Variants in PCDHGA4 observed in about 807,000 individuals in gnomAD.
PCDHGA4 encodes the protein protocadherin gamma subfamily A, 4, also known as protocadherin gamma-A4.
A neutral mutation model predicts 54.6 loss-of-function variants in PCDHGA4; 38 were observed. That is an observed-to-expected ratio of 0.70 (90% CI 0.54 to 0.91). PCDHGA4 has a LOEUF of 0.91. Ranked by LOEUF, PCDHGA4 falls within the 40% of genes least tolerant of loss-of-function variation. The probability of loss-of-function intolerance (pLI) is 0.00; values close to 1 mark genes in which losing one functional copy is unlikely to be tolerated. For missense variants in PCDHGA4, 1,298 were observed against 1,220.9 expected (o/e 1.06, Z -0.94); for synonymous variants, 511 against 512.9 (o/e 1.00, Z 0.05).
intron 1 of PCDHGA4, chr5:141,371,702 GACC>G (rs768822916): frequency 1.1e-5 from 18 of 1,613,922 alleles, no homozygotes; most frequent in Non-Finnish European, 1.7e-6. Context: ...CCTCCAGCAA[GACC>G]ATCACTCTGC....
intron 1 of PCDHGA4, chr5:141,384,681 G>A (rs1373910602): frequency 6.2e-7 from 1 of 1,614,180 alleles, no homozygotes; most frequent in South Asian, 1.1e-5. Context: ...TGGTGGCGGT[G>A]GACAAAGATT....
chr5:141,411,921 T>C (rs1426892834), intron 1 of PCDHGA4: 1 of 152,234 alleles, frequency 6.6e-6, no homozygotes, highest in Non-Finnish European at 1.5e-5. Context: ...TCAGTCTCTG[T>C]CTCTGATTCT....
intron 1 of PCDHGA4, chr5:141,422,936 C>T: frequency 6.2e-7 from 1 of 1,614,260 alleles, no homozygotes; most frequent in Non-Finnish European, 8.5e-7. Flanking sequence ...GCCCTCCCCA[C>T]AGACGGCTCC....
At chr5:141,409,821 C>T in intron 1 of PCDHGA4, 1 of 1,610,940 alleles carries the variant, frequency 6.2e-7, no homozygotes, top group Non-Finnish European at 8.5e-7. Flanking sequence ...CACGGCTCGC[C>T]CACGCTCAGC....
intron 1 of PCDHGA4, chr5:141,361,423 C>T (rs760185392): frequency 2.5e-6 from 4 of 1,613,938 alleles, no homozygotes; most frequent in South Asian, 2.2e-5. Context: ...CGGGGGCAAG[C>T]CGCCCCTCTC....
intron 1 of PCDHGA4, among the ~76,000 whole-genome samples, chr5:141,459,220 A>G (rs1234283814): frequency 6.6e-6 from 1 of 152,234 alleles, no homozygotes; most frequent in Non-Finnish European, 1.5e-5. Flanking sequence ...CTCCAGCTCC[A>G]GGCAACAACT....
At chr5:141,440,779 GC>G (rs2154559027) in intron 1 of PCDHGA4, 1 of 152,294 alleles carries the variant, frequency 6.6e-6, no homozygotes, top group Admixed American at 6.5e-5. Flanking sequence ...AGTGCTAGCA[GC>G]CTTAGACGGC....
chr5:141,409,766 C>G, intron 1 of PCDHGA4: 1 of 1,612,910 alleles, frequency 6.2e-7, no homozygotes, highest in Non-Finnish European at 8.5e-7. Context: ...CGCCTTTGAT[C>G]ACGAGCAGCT....
At chr5:141,366,388 T>A (rs1764530765) in intron 1 of PCDHGA4, 1 of 1,614,034 alleles carries the variant, frequency 6.2e-7, no homozygotes, top group African/African-American at 1.3e-5. Flanking sequence ...ACCCTGAGGA[T>A]CTGGACCTCA....
rs751320023 is a variant in PCDHGA4 at position 141,431,263 on chromosome 5, G to T, written c.2515-63544G>T. 6 of 1,614,060 alleles carry T rather than the reference G, an allele frequency of 3.7e-6. No homozygotes were observed. In the East Asian group the frequency reaches 1.3e-4, roughly 36 times the overall value. ...CGGATATCGGGAAGAACTCTCTGCA[G>T]AGCTACGAGCTCAGCCCGAACACTC... On this transcript the variant is annotated intron_variant, in intron 1 of 3. Transcript: ENST00000571252. The surrounding 1 kb of genome is among the most constrained non-coding windows in gnomAD (Gnocchi z 4.8).
At position 141,357,569 on chromosome 5, in the gene PCDHGA4, C is replaced by G; in HGVS notation, c.2462C>G (p.Pro821Arg). The change falls in exon 1 of 4, where the codon CCT (proline) becomes CGT (arginine). Residue 821 changes from proline to arginine, a missense_variant. Transcript: ENST00000571252. ...CGGGAGAGTTGTGAGAAAAGCGAGCCTCTTCTGATAACTCAGGATTTACTT... is the reference window on the plus strand; with the variant it reads ...CGGGAGAGTTGTGAGAAAAGCGAGCGTCTTCTGATAACTCAGGATTTACTT... ...ISRESCEKSE[P>R]LLITQDLLET... The G allele has an allele frequency of 6.2e-7, 1 of 1,614,208 alleles. No individual in the cohort carries two copies. The highest frequency in any genetic ancestry group is 8.5e-7 in the Non-Finnish European group (1 of 1,180,040).
intron 1 of PCDHGA4, chr5:141,417,708 G>C (rs1028054307): frequency 1.2e-4 from 152 of 1,227,878 alleles, no homozygotes; most frequent in East Asian, 4.9e-4. Context: ...CCACACAGAG[G>C]CTCCCGGCTG....
At chr5:141,363,413 A>G (rs1762914812) in intron 1 of PCDHGA4, among the ~76,000 whole-genome samples, 1 of 152,194 alleles carries the variant, frequency 6.6e-6, no homozygotes, top group Admixed American at 6.5e-5. Context: ...GATAGCAGTA[A>G]ATATCTGTCT....
chr5:141,419,894 C>T (rs1590201850), intron 1 of PCDHGA4: 2 of 1,613,926 alleles, frequency 1.2e-6, no homozygotes, highest in East Asian at 2.2e-5. Flanking sequence ...CAGCGACCAT[C>T]CCACACCCTC....
At chr5:141,419,663 G>T (rs1459319505) in intron 1 of PCDHGA4, 1 of 1,612,710 alleles carries the variant, frequency 6.2e-7, no homozygotes, top group Non-Finnish European at 8.5e-7. Flanking sequence ...GGGGCACAAT[G>T]CCTGGCTGTC....
intron 2 of PCDHGA4, among the ~76,000 whole-genome samples, chr5:141,502,472 A>G (rs1450967250): frequency 1.3e-5 from 2 of 150,886 alleles, no homozygotes; most frequent in Non-Finnish European, 2.9e-5. Flanking sequence ...TACTTCCCGC[A>G]GCATCACACT....
chr5:141,389,541 C>A, intron 1 of PCDHGA4: 2 of 1,613,242 alleles, frequency 1.2e-6, no homozygotes, highest in Non-Finnish European at 1.7e-6. Context: ...AGTGGACGAC[C>A]GCAACGACAA....
Position 141,375,419 on chromosome 5 carries a change from A to G in PCDHGA4, c.2514+17798A>G, listed in dbSNP as rs756318329. The G allele has an allele frequency of 1.9e-6, 3 of 1,613,982 alleles. No homozygotes were observed. The South Asian group carries it at 3.3e-5, about 18-fold the overall frequency. The stretch of plus-strand genomic sequence containing the variant: ...CATCTCTCTAAATGTGGCAGACACC[A>G]ACGACAACCCGCCCACCTTCCCCCA... On this transcript the variant is annotated intron_variant, in intron 1 of 3. Coordinates refer to ENST00000571252, the MANE Select transcript of PCDHGA4 (RefSeq NM_018917.4).
intron 2 of PCDHGA4, among the ~76,000 whole-genome samples, chr5:141,501,288 T>TAC (rs1562199973): frequency 3.7e-5 from 3 of 81,228 alleles, no homozygotes; most frequent in South Asian, 4.2e-4. Context: ...GATATTCCCT[T>TAC]ATACACACAC....
Sources: gnomAD v4.1 joint callset for allele counts (sites outside exome capture counted in the v4.1 genomes callset) on GRCh38, gnomAD v4.1.1 for gene constraint, Gnocchi (gnomAD v3.1) non-coding constraint, MANE v1.5 for transcripts, NCBI Gene and HGNC (gene_info 2026-07-23, HGNC 2026-07-21) for gene names.